Variants in GRIN1 observed in about 807,000 individuals in gnomAD.
GRIN1 encodes the protein glutamate ionotropic receptor NMDA type subunit 1.
In GRIN1, 38 loss-of-function variants were observed where a neutral mutation model predicts 103.0. The observed-to-expected ratio is 0.37, with a 90% CI of 0.28 to 0.48. GRIN1 has a LOEUF of 0.48. GRIN1 is among the 20% of genes least tolerant of loss of function. The pLI is 0.98. For synonymous variants in GRIN1, 544 were observed against 532.7 expected, an observed-to-expected ratio of 1.02 and a Z score of -0.29; for missense variants, 577 against 1,288.9, an observed-to-expected ratio of 0.45 and a Z score of 8.46.
chr9:137,149,602 C>T (rs1011012301), intron 4 of GRIN1, among the ~76,000 whole-genome samples: 4 of 152,226 alleles, frequency 2.6e-5, no homozygotes, highest in African/African-American at 9.6e-5. Context: ...CCCGGGAAAT[C>T]AAGCTGCTCT....
rs756583333 is a variant in GRIN1, at chr9:137,162,479, C to T, written c.1827C>T (p.Phe609=). ...TGACCCTGTCCTCGGCCATGTGGTTCTCCTGGGGCGTCCTGCTCAACTCCG... is the reference window on the plus strand; with the variant it reads ...TGACCCTGTCCTCGGCCATGTGGTTTTCCTGGGGCGTCCTGCTCAACTCCG... ...DALTLSSAMW[F]SWGVLLNSGI... is the part of the protein sequence containing the mutation. Residue 609 remains phenylalanine, a synonymous_variant, in exon 13 of 20, where the codon TTC becomes TTT. Transcript: ENST00000371561. The T allele has an allele frequency of 6.2e-6, 10 of 1,611,948 alleles. No homozygotes were observed. The highest frequency in any genetic ancestry group is 8.5e-6 in the Non-Finnish European group (10 of 1,179,798).
At position 137,139,513 on chromosome 9, in the gene GRIN1, C is replaced by A; in HGVS notation, c.27C>A (p.Leu9=). The A allele has an allele frequency of 6.2e-7, 1 of 1,601,806 alleles. No homozygotes were observed. The highest frequency in any genetic ancestry group is 1.1e-5 in the South Asian group (1 of 90,766). Reference sequence around the variant, plus strand: ...TGAGCACCATGCGCCTGCTGACGCTCGCCCTGCTGTTCTCCTGCTCCGTCG... The same window carrying A: ...TGAGCACCATGCGCCTGCTGACGCTAGCCCTGCTGTTCTCCTGCTCCGTCG... MSTMRLLT[L]ALLFSCSVAR... The change falls in exon 1 of 20, where the codon CTC becomes CTA. Residue 9 remains leucine (L), a synonymous_variant. Coordinates refer to ENST00000371561, the MANE Select transcript of GRIN1 (RefSeq NM_007327.4). The surrounding 1 kb of genome is among the most constrained non-coding windows in gnomAD (Gnocchi z 7.7).
At chr9:137,150,400 GGTCCT>G in intron 4 of GRIN1, among the ~76,000 whole-genome samples, 7 of 138,500 alleles carry the variant, frequency 5.1e-5, no homozygotes, top group African/African-American at 1.6e-4. Flanking sequence ...CCAGAAAAAA[GGTCCT>G]CCCAGGGAAA....
At chr9:137,154,366 C>T (rs1224452632) in intron 4 of GRIN1, among the ~76,000 whole-genome samples, 1 of 149,940 alleles carries the variant, frequency 6.7e-6, no homozygotes, top group African/African-American at 2.5e-5. Flanking sequence ...CTCAAGTGAT[C>T]CACCCACCTC....
intron 2 of GRIN1, among the ~76,000 whole-genome samples, chr9:137,143,475 G>T (rs562337336): frequency 6.6e-6 from 1 of 152,358 alleles, no homozygotes; most frequent in Admixed American, 6.5e-5. Context: ...TTCCTCACAT[G>T]TGAAGGAGAG....
chr9:137,158,739 C>G, intron 8 of GRIN1, 35 bp downstream of exon 8: 1 of 1,443,134 alleles, frequency 6.9e-7, no homozygotes, highest in Non-Finnish European at 9.8e-7. Flanking sequence ...AGTGTCCCCA[C>G]CCCAGACAGC....
intron 4 of GRIN1, among the ~76,000 whole-genome samples, chr9:137,151,009 C>T (rs1328907219): frequency 7.3e-6 from 1 of 136,314 alleles, no homozygotes; most frequent in East Asian, 2.4e-4. Flanking sequence ...GAAAACTCTG[C>T]CCAGATAAAA....
chr9:137,153,914 C>A (rs965917341), intron 4 of GRIN1, among the ~76,000 whole-genome samples: 3 of 151,758 alleles, frequency 2.0e-5, no homozygotes, highest in Non-Finnish European at 4.4e-5. Flanking sequence ...GGGATTCAAG[C>A]GATTCTCCTG....
In GRIN1 at chr9:137,159,620, G is replaced by T. The variant is rs192169216; in HGVS notation, c.1197+916G>T. ...GCGGTCAAACGCTAATGGCCAAAAG[G>T]CCCCATCTAGGCTGTGAGATGGAGA... On this transcript the variant is annotated intron_variant, in intron 8 of 19. Coordinates refer to ENST00000371561, the MANE Select transcript of GRIN1 (RefSeq NM_007327.4). Among the ~76,000 whole-genome samples, 740 of 152,338 alleles carry T rather than the reference G, an allele frequency of 4.9e-3. 4 individuals carry two copies. The highest frequency in any genetic ancestry group is 8.0e-3 in the Non-Finnish European group (542 of 68,032).
intron 18 of GRIN1, chr9:137,164,789 C>G (rs1336947989): frequency 1.1e-5 from 3 of 280,980 alleles, no homozygotes; most frequent in Non-Finnish European, 2.1e-5. Context: ...CTTCCTGAAT[C>G]TTGGTGTGTG....
chr9:137,148,278 A>T, intron 3 of GRIN1: 1 of 1,073,780 alleles, frequency 9.3e-7, no homozygotes, highest in South Asian at 1.4e-5. Context: ...CGCCTCGGCC[A>T]CTAGGGCCAC....
chr9:137,161,828 C>A (rs575851939), intron 10 of GRIN1, 96 bp from the exon 11 acceptor site: 2 of 1,280,978 alleles, frequency 1.6e-6, no homozygotes, highest in Non-Finnish European at 1.1e-6. Flanking sequence ...GGGGAGAAGA[C>A]CCCCGGAGTG....
At chr9:137,157,896 A>AT (rs1833324204) in intron 6 of GRIN1, among the ~76,000 whole-genome samples, 1 of 152,204 alleles carries the variant, frequency 6.6e-6, no homozygotes, top group Non-Finnish European at 1.5e-5. Flanking sequence ...TGCACCCCAC[A>AT]TAGGGATCAC....
In GRIN1 at chr9:137,163,877, C is replaced by T. The variant is rs773955784; in HGVS notation, c.2562C>T (p.Ala854=). Residue 854 remains alanine, a synonymous_variant, in exon 18 of 20, where the codon GCC becomes GCT. Coordinates refer to ENST00000371561, the MANE Select transcript of GRIN1 (RefSeq NM_007327.4). The part of the protein sequence containing the change: ...RRKQMQLAFA[A]VNVWRKNLQD... ...AGCAGATGCAGCTGGCCTTTGCCGC[C>T]GTTAACGTGTGGCGGAAGAACCTGC... is the stretch of plus-strand genomic sequence containing the variant. 1.1e-5 allele frequency: 18 copies of T among 1,612,846 alleles called. No individual in the cohort carries two copies. Among genetic ancestry groups the T allele is most frequent in the Non-Finnish European group, 1.4e-5 (17 of 1,179,930 alleles).
chr9:137,163,391 C>G, intron 16 of GRIN1, 61 bp downstream of exon 16: 1 of 1,582,684 alleles, frequency 6.3e-7, no homozygotes, highest in African/African-American at 1.3e-5. Flanking sequence ...GGACGCCCTC[C>G]CCAGTGCCAG....
intron 4 of GRIN1, among the ~76,000 whole-genome samples, chr9:137,155,934 C>T (rs535952287): frequency 2.0e-5 from 3 of 152,348 alleles, no homozygotes; most frequent in Admixed American, 2.0e-4. Flanking sequence ...AGCCGCCTCT[C>T]ATCTCTGGCC....
At chr9:137,148,526 C>T (rs991151995) in intron 3 of GRIN1, among the ~76,000 whole-genome samples, 4 of 152,220 alleles carry the variant, frequency 2.6e-5, no homozygotes, top group African/African-American at 9.7e-5. Context: ...GGAGGGAGCC[C>T]GCCCGCCTGG....
At chr9:137,160,655 C>T (rs1276520394) in intron 8 of GRIN1, among the ~76,000 whole-genome samples, 1 of 152,232 alleles carries the variant, frequency 6.6e-6, no homozygotes, top group Non-Finnish European at 1.5e-5. Flanking sequence ...TGGTCTCGAT[C>T]TCCTGACCTC....
At position 137,156,894 on chromosome 9, in the gene GRIN1, G is replaced by T; in HGVS notation, c.825G>T (p.Lys275Asn). The T allele has an allele frequency of 6.2e-7, 1 of 1,612,212 alleles. No individual in the cohort carries two copies. ...GILGLQLING[K>N]NESAHISDAV... ...TCGGGCTGCAGCTCATCAACGGCAAGAACGAGTCGGCCCACATCAGCGACG... is the reference window on the plus strand; with the variant it reads ...TCGGGCTGCAGCTCATCAACGGCAATAACGAGTCGGCCCACATCAGCGACG... Residue 275 changes from lysine to asparagine, a missense_variant, in exon 6 of 20, where the codon AAG (lysine) becomes AAT (asparagine). By Grantham distance (94) the Lys-to-Asn change is moderately conservative. Coordinates refer to ENST00000371561, the MANE Select transcript of GRIN1 (RefSeq NM_007327.4).
Sources: allele counts gnomAD v4.1 joint callset (sites outside exome capture counted in the v4.1 genomes callset), GRCh38; gene constraint gnomAD v4.1.1; non-coding constraint Gnocchi (gnomAD v3.1); transcripts MANE v1.5; gene names NCBI Gene and HGNC (gene_info 2026-07-23, HGNC 2026-07-21).